TBC1D4: variants seen among roughly 807,000 people sequenced by gnomAD.
The protein encoded by TBC1D4 is TBC (Tre-2, BUB2, CDC16) domain-containing protein.
In TBC1D4, 121 loss-of-function variants were observed where a neutral mutation model predicts 142.5. The ratio of observed to expected loss-of-function variants is 0.85; its 90% CI spans 0.73 to 0.99. TBC1D4 has a LOEUF of 0.99. TBC1D4 is among the 50% of genes least tolerant of loss of function. TBC1D4 has a pLI of 0.00. For synonymous variants in TBC1D4, 630 were observed against 628.2 expected (o/e 1.00, Z -0.04); for missense variants, 1,475 against 1,606.6 (o/e 0.92, Z 1.40).
At chr13:75,363,207 T>C (rs1042817648) in intron 1 of TBC1D4, among the ~76,000 whole-genome samples, 2 of 152,224 alleles carry the variant, frequency 1.3e-5, no homozygotes, top group African/African-American at 4.8e-5. Context: ...GGCAGTTTCT[T>C]AGGAGTTAAA....
intron 1 of TBC1D4, chr13:75,366,983 G>T (rs1490987926): frequency 1.1e-5 from 11 of 985,242 alleles, no homozygotes; most frequent in Non-Finnish European, 1.3e-5. Flanking sequence ...AACTGGTGTA[G>T]TCCTCAGTAT....
intron 9 of TBC1D4, among the ~76,000 whole-genome samples, chr13:75,327,477 T>TA (rs1194597441): frequency 2.0e-5 from 3 of 152,204 alleles, no homozygotes; most frequent in African/African-American, 7.2e-5. Flanking sequence ...GCTCATTTTT[T>TA]ATAAGGCATT....
chr13:75,426,334 A>T (rs1017329376), intron 1 of TBC1D4, among the ~76,000 whole-genome samples: 13 of 152,238 alleles, frequency 8.5e-5, no homozygotes, highest in Non-Finnish European at 1.8e-4. Flanking sequence ...CTTTTTGATA[A>T]TGTTTAAGTC....
At chr13:75,468,347 T>C (rs1172925504) in intron 1 of TBC1D4, among the ~76,000 whole-genome samples, 2 of 152,190 alleles carry the variant, frequency 1.3e-5, no homozygotes, top group East Asian at 3.8e-4. Flanking sequence ...ATGTTACCAC[T>C]GGGAAGCCTA....
intron 1 of TBC1D4, among the ~76,000 whole-genome samples, chr13:75,438,370 C>A (rs937050815): frequency 1.3e-5 from 2 of 152,142 alleles, no homozygotes; most frequent in African/African-American, 4.8e-5. Context: ...TTAGCTGCTC[C>A]TGAAATACCC....
chr13:75,450,010 T>A (rs1409636539), intron 1 of TBC1D4, among the ~76,000 whole-genome samples: 1 of 152,096 alleles, frequency 6.6e-6, no homozygotes. Flanking sequence ...TTATATTGTT[T>A]TGTGTGGATA....
intron 1 of TBC1D4, among the ~76,000 whole-genome samples, chr13:75,449,244 A>G (rs1390232003): frequency 1.3e-5 from 2 of 152,126 alleles, no homozygotes; most frequent in African/African-American, 4.8e-5. Context: ...GTGTGTGTAT[A>G]TATGTGTGTA....
At chr13:75,326,551 C>A (rs1461823288) in intron 9 of TBC1D4, 128 bp from the exon 10 acceptor site, 2 of 944,788 alleles carry the variant, frequency 2.1e-6, no homozygotes, top group South Asian at 1.4e-5. Context: ...TGTTTTTCCT[C>A]CCCCTTTTAC....
intron 4 of TBC1D4, among the ~76,000 whole-genome samples, chr13:75,353,890 T>C (rs1038321991): frequency 2.0e-5 from 3 of 152,320 alleles, no homozygotes; most frequent in Non-Finnish European, 4.4e-5. Flanking sequence ...GGTTCTGGCA[T>C]CCTCTCACAT....
intron 1 of TBC1D4, among the ~76,000 whole-genome samples, chr13:75,441,274 G>T (rs138399697): frequency 0.019 from 2,958 of 151,698 alleles, 107 homozygotes; most frequent in African/African-American, 0.065. Flanking sequence ...AGGAGGAGGG[G>T]GTACAAGGCA....
chr13:75,365,728 A>T (rs1882871920), intron 1 of TBC1D4, among the ~76,000 whole-genome samples: 1 of 152,134 alleles, frequency 6.6e-6, no homozygotes, highest in African/African-American at 2.4e-5. Context: ...GTACCATCGT[A>T]CCATAAGCTC....
In TBC1D4 at chr13:75,299,259, A is replaced by C. The variant is rs1346126788; in HGVS notation, c.3156+71T>G. On this transcript the variant is annotated intron_variant, in intron 17 of 20. Coordinates refer to ENST00000377636, the MANE Select transcript of TBC1D4 (RefSeq NM_014832.5). ...CTACATTTCTTTAAATCTGAACTGT[A>C]ATAATTGAGAAGAGGGCCAGGATTT... 3 of 1,607,628 alleles carry C rather than the reference A, an allele frequency of 1.9e-6. No individual in the cohort carries two copies. The African/African-American group carries it at 4.0e-5, about 21-fold the overall frequency.
intron 1 of TBC1D4, among the ~76,000 whole-genome samples, chr13:75,392,599 C>G (rs539099847): frequency 3.6e-4 from 54 of 151,120 alleles, no homozygotes; most frequent in Admixed American, 2.4e-3. Flanking sequence ...TCCTCCCCCT[C>G]CCCTTCTTCC....
intron 1 of TBC1D4, among the ~76,000 whole-genome samples, chr13:75,395,732 G>C (rs2031510): frequency 0.63 from 95,767 of 151,964 alleles, 32,318 homozygotes; most frequent in East Asian, 0.94. Context: ...TAGGAGGCTG[G>C]GGCAGGAGAA....
intron 1 of TBC1D4, among the ~76,000 whole-genome samples, chr13:75,431,324 G>T (rs994332880): frequency 6.6e-6 from 1 of 152,136 alleles, no homozygotes; most frequent in Non-Finnish European, 1.5e-5. Context: ...GGGTGCTAGG[G>T]TTATAGAAAA....
At chr13:75,361,372 A>G (rs915829793) in intron 2 of TBC1D4, among the ~76,000 whole-genome samples, 2 of 152,074 alleles carry the variant, frequency 1.3e-5, no homozygotes, top group Non-Finnish European at 2.9e-5. Flanking sequence ...TTAAAGATTT[A>G]CTTTCTACAA....
intron 5 of TBC1D4, among the ~76,000 whole-genome samples, chr13:75,347,863 C>T (rs749693822): frequency 6.6e-6 from 1 of 152,166 alleles, no homozygotes; most frequent in South Asian, 2.1e-4. Flanking sequence ...TGGCTGGGCA[C>T]AGTGGCTCAT....
At chr13:75,290,074 G>C (rs536799731) in intron 19 of TBC1D4, among the ~76,000 whole-genome samples, 1 of 152,042 alleles carries the variant, frequency 6.6e-6, no homozygotes, top group Admixed American at 6.5e-5. Flanking sequence ...TGATAATATG[G>C]ATTTATAGTT....
chr13:75,352,401 CCTTTTGGTTATA>C (rs1881673837), intron 4 of TBC1D4, among the ~76,000 whole-genome samples: 2 of 150,334 alleles, frequency 1.3e-5, no homozygotes, highest in African/African-American at 2.4e-5. Flanking sequence ...CTTTTTTTTT[CCTTTTGGTTATA>C]CTTTCCCTAA....
Sources: gnomAD v4.1 joint callset for allele counts (sites outside exome capture counted in the v4.1 genomes callset) on GRCh38, gnomAD v4.1.1 for gene constraint, MANE v1.5 for transcripts, NCBI Gene and HGNC (gene_info 2026-07-23, HGNC 2026-07-21) for gene names.